CREBZF: variants seen among roughly 807,000 people sequenced by gnomAD.
CREBZF encodes HCF-binding transcription factor Zhangfei.
Under a neutral mutation model 21.1 loss-of-function variants are expected in CREBZF, and 8 were observed. The ratio of observed to expected loss-of-function variants is 0.38; its 90% confidence interval spans 0.22 to 0.68. The LOEUF (loss-of-function observed/expected upper bound fraction) is 0.68, where lower values mean the gene tolerates loss of function less well. Ranked by LOEUF, CREBZF falls within the 30% of genes least tolerant of loss-of-function variation. CREBZF has a pLI of 0.51. For synonymous variants in CREBZF, 270 were observed against 223.3 expected, an observed-to-expected ratio of 1.21 and a Z score of -1.86; for missense variants, 518 against 484.3, an observed-to-expected ratio of 1.07 and a Z score of -0.65.
At chr11:85,673,010 A>C (rs1182077585) in intron 1 of CREBZF, among the ~76,000 whole-genome samples, 1 of 152,246 alleles carries the variant, frequency 6.6e-6, no homozygotes, top group Non-Finnish European at 1.5e-5. Context: ...GAGGAAACCA[A>C]GGGTCCTTGC....
intron 1 of CREBZF, among the ~76,000 whole-genome samples, chr11:85,677,648 AT>A (rs938657190): frequency 1.3e-5 from 2 of 152,190 alleles, no homozygotes; most frequent in Non-Finnish European, 2.9e-5. Flanking sequence ...AAGGTTCAAC[AT>A]TTTTGGCAAG....
At chr11:85,665,367 T>C (rs1236783421), upstream of CREBZF, among the ~76,000 whole-genome samples, 2 of 152,142 alleles carry the variant, frequency 1.3e-5, no homozygotes, top group East Asian at 3.8e-4. Flanking sequence ...ACATAAATGC[T>C]TGTAAATTTT....
intron 1 of CREBZF, among the ~76,000 whole-genome samples, chr11:85,674,909 C>A (rs1591491251): frequency 6.6e-6 from 1 of 152,190 alleles, no homozygotes; most frequent in Admixed American, 6.5e-5. Flanking sequence ...CTTCAGAATA[C>A]CCAAACCTCA....
exon 1 of CREBZF, chr11:85,682,825 A>G (rs2082986114): frequency 2.8e-6 from 2 of 702,124 alleles, no homozygotes; most frequent in Non-Finnish European, 5.2e-6. Context: ...CGGGGCCGCA[A>G]TTTGGGATGG....
rs2082641300 is a variant in CREBZF, at chr11:85,660,443, G to A, written c.*3368C>T. ...TCTCCATTTCTGGAAAGTGAAATCA[G>A]TATAGAAGTAATTTGGGAACTTGAA... On this transcript the variant is annotated 3_prime_UTR_variant, in exon 1 of 1. Transcript: ENST00000527447. 5.5e-6 allele frequency: 2 copies of A among 365,238 alleles called. No homozygotes were observed. 22.6% of individuals were successfully genotyped at this position (365,238 alleles called of 1,614,324 possible).
chr11:85,664,114 G>C lies in CREBZF; in HGVS notation c.762C>G (p.Gly254=). 6.2e-7 allele frequency: 1 copy of C among 1,613,604 alleles called. No individual in the cohort carries two copies. Among genetic ancestry groups the C allele is most frequent in the South Asian group, 1.1e-5 (1 of 91,080 alleles). The change falls in exon 1 of 1, where the codon GGC becomes GGG. Residue 254 remains glycine (G), a synonymous_variant. Transcript: ENST00000527447. The surrounding 1 kb of genome is among the most constrained non-coding windows in gnomAD (Gnocchi z 5.5). ...CCTCCTGCAGTGCCTGTACGCGTTT[G>C]CCCAGCTCCCGATTCTCGGCCCGCA... ...QELRAENREL[G]KRVQALQEES...
At chr11:85,678,389 G>A (rs1708546181) in intron 1 of CREBZF, among the ~76,000 whole-genome samples, 1 of 152,004 alleles carries the variant, frequency 6.6e-6, no homozygotes, top group Admixed American at 6.5e-5. Context: ...CAGAAAAACT[G>A]TCAGGGGTTT....
In CREBZF at chr11:85,664,270, G is replaced by A. The variant is rs759667872; in HGVS notation, c.606C>T (p.Asn202=). 3 of 1,612,752 alleles carry A rather than the reference G, an allele frequency of 1.9e-6. No homozygotes were observed. Among genetic ancestry groups the A allele is most frequent in the Non-Finnish European group, 2.5e-6 (3 of 1,179,770 alleles). The change falls in exon 1 of 1, where the codon AAC becomes AAT. Residue 202 remains asparagine (N), a synonymous_variant. Coordinates refer to ENST00000527447, the MANE Select transcript of CREBZF (RefSeq NM_001039618.4). The surrounding 1 kb of genome is among the most constrained non-coding windows in gnomAD (Gnocchi z 5.5). Reference sequence around the variant, plus strand: ...GGGGACTCTTTGTCGCCGCCTGGTTGTTGTCGTTACCGCTGCCGCCACCGC... The same window carrying A: ...GGGGACTCTTTGTCGCCGCCTGGTTATTGTCGTTACCGCTGCCGCCACCGC... ...GGGGGGSGND[N]NQAATKSPRK...
rs1212847650 is a variant in CREBZF, at chr11:85,658,578, T to C, written c.*5233A>G. ...GTAAACTACCCTCAATCAATTTTTA[T>C]ATTTCAGTCTAGTCACTGTAGACAA... is the stretch of plus-strand genomic sequence containing the variant. On this transcript the variant is annotated 3_prime_UTR_variant, in exon 1 of 1. Transcript: ENST00000527447. Among the ~76,000 whole-genome samples the C allele has an allele frequency of 6.6e-6, 1 of 151,994 alleles. No individual in the cohort carries two copies. Among genetic ancestry groups the C allele is most frequent in the Non-Finnish European group, 1.5e-5 (1 of 67,886 alleles).
chr11:85,659,793 T>C lies in CREBZF; in HGVS notation c.*4018A>G, dbSNP rs1214318125. On this transcript the variant is annotated 3_prime_UTR_variant, in exon 1 of 1. Coordinates refer to ENST00000527447, the MANE Select transcript of CREBZF (RefSeq NM_001039618.4). ...ATGCCACAAAAAGCCACTCCCATCA[T>C]CCACAATACTAAAGTCCTTATACAA... 2 of 152,014 alleles carry C rather than the reference T, an allele frequency of 1.3e-5. No homozygotes were observed. Among genetic ancestry groups the C allele is most frequent in the African/African-American group, 2.4e-5 (1 of 41,420 alleles). The allele number at this position is 152,014 out of a possible 1,614,324, so 9.4% of individuals were successfully genotyped here.
In CREBZF at chr11:85,679,019, G is replaced by A. The variant is rs2082959510; in HGVS notation, n.147+3698C>T. Reference sequence around the variant, plus strand: ...GGAAAGGACTAAGGTAAATGTGGATGTGAGCATAATGGGATTAATCTGGCC... The same window carrying A: ...GGAAAGGACTAAGGTAAATGTGGATATGAGCATAATGGGATTAATCTGGCC... On this transcript the variant is annotated intron_variant and non_coding_transcript_variant, in intron 1 of 3. Coordinates refer to the CREBZF transcript ENST00000531515. Among the ~76,000 whole-genome samples, 6 of 152,348 alleles carry A rather than the reference G, an allele frequency of 3.9e-5. No individual in the cohort carries two copies. The South Asian group carries it at 1.2e-3, about 32-fold the overall frequency.
Position 85,664,726 on chromosome 11 carries a change from A to T in CREBZF, c.150T>A (p.Ser50=), listed in dbSNP as rs1565810456. Residue 50 remains serine (S), a synonymous_variant, in exon 1 of 1, where the codon TCT becomes TCA. Transcript: ENST00000527447. The surrounding 1 kb of genome is among the most constrained non-coding windows in gnomAD (Gnocchi z 5.5). The stretch of plus-strand genomic sequence containing the variant: ...CGCCAAACTGCTGCTTGCGGCCGGG[A>T]GATCCGGCCGCCGCCGTCTCCTCCT... ...AGEEETAAAG[S]PGRKQQFGDE... The T allele has an allele frequency of 1.2e-6, 2 of 1,600,704 alleles. No individual in the cohort carries two copies. Among genetic ancestry groups the T allele is most frequent in the Non-Finnish European group, 8.5e-7 (1 of 1,175,400 alleles).
Position 85,662,831 on chromosome 11 carries a change from C to G in CREBZF, c.*980G>C, listed in dbSNP as rs1221794045. Reference sequence around the variant, plus strand: ...ATACAACAAAAATAAAGATGTTCAACAATTTATTCAATCTCAGTGATAGGG... The same window carrying G: ...ATACAACAAAAATAAAGATGTTCAAGAATTTATTCAATCTCAGTGATAGGG... On this transcript the variant is annotated 3_prime_UTR_variant, in exon 1 of 1. Transcript: ENST00000527447. 1.2e-5 allele frequency: 2 copies of G among 164,012 alleles called. No individual in the cohort carries two copies. The highest frequency in any genetic ancestry group is 4.8e-5 in the African/African-American group (2 of 41,834). The allele number at this position is 164,012 out of a possible 1,614,324, so 10.2% of individuals were successfully genotyped here.
rs981864242 is a variant in CREBZF, at chr11:85,665,060, G to C, written c.-185C>G. Reference sequence around the variant, plus strand: ...CCCGCGCCAAGGCGCGGGGAGGGACGGGAGAACGAAGCGGTGAGGCCCTGC... The same window carrying C: ...CCCGCGCCAAGGCGCGGGGAGGGACCGGAGAACGAAGCGGTGAGGCCCTGC... On this transcript the variant is annotated 5_prime_UTR_variant, in exon 1 of 1. Coordinates refer to ENST00000527447, the MANE Select transcript of CREBZF (RefSeq NM_001039618.4). 1.1e-5 allele frequency: 5 copies of C among 442,860 alleles called. No homozygotes were observed. The highest frequency in any genetic ancestry group is 3.5e-5 in the East Asian group (1 of 28,494). 27.4% of individuals were successfully genotyped at this position (442,860 alleles called of 1,614,324 possible). A position where few individuals can be genotyped will look rare whatever the true frequency, so the allele number is the denominator to read the frequency against.
chr11:85,668,572 G>A (rs1168344211), upstream of CREBZF, among the ~76,000 whole-genome samples: 2 of 151,666 alleles, frequency 1.3e-5, no homozygotes, highest in Non-Finnish European at 2.9e-5. Context: ...TTATTATCTT[G>A]ACTGATAATA....
At position 85,664,269 on chromosome 11, in the gene CREBZF, T is replaced by C; in HGVS notation, c.607A>G (p.Asn203Asp). 1 of 1,612,670 alleles carries C rather than the reference T, an allele frequency of 6.2e-7. No homozygotes were observed. Among genetic ancestry groups the C allele is most frequent in the South Asian group, 1.1e-5 (1 of 91,078 alleles). Residue 203 changes from asparagine (N) to aspartate (D), a missense_variant, in exon 1 of 1, where the codon AAC becomes GAC. Physicochemically the swap from Asn to Asp is conservative, Grantham distance 23. Coordinates refer to ENST00000527447, the MANE Select transcript of CREBZF (RefSeq NM_001039618.4). The surrounding 1 kb of genome is among the most constrained non-coding windows in gnomAD (Gnocchi z 5.5). The stretch of plus-strand genomic sequence containing the variant: ...CGGGGACTCTTTGTCGCCGCCTGGT[T>C]GTTGTCGTTACCGCTGCCGCCACCG... ...GGGGGSGNDN[N>D]QAATKSPRKA...
chr11:85,673,647 G>A (rs1367065927), intron 1 of CREBZF, among the ~76,000 whole-genome samples: 1 of 152,152 alleles, frequency 6.6e-6, no homozygotes, highest in East Asian at 1.9e-4. Flanking sequence ...CTTAAAATAT[G>A]ACAGTAAAGT....
chr11:85,666,741 G>A (rs2082869569), upstream of CREBZF, among the ~76,000 whole-genome samples: 3 of 152,172 alleles, frequency 2.0e-5, no homozygotes, highest in African/African-American at 4.8e-5. Flanking sequence ...GTGAGTGAGT[G>A]AATAAAGTCT....
At chr11:85,679,894 G>A (rs2082965659) in intron 1 of CREBZF, among the ~76,000 whole-genome samples, 1 of 152,112 alleles carries the variant, frequency 6.6e-6, no homozygotes, top group Non-Finnish European at 1.5e-5. Context: ...TAGCTTATTG[G>A]GAAGTTAAAC....
Sources: gnomAD v4.1 joint callset for allele counts (sites outside exome capture counted in the v4.1 genomes callset) on GRCh38, gnomAD v4.1.1 for gene constraint, Gnocchi (gnomAD v3.1) non-coding constraint, MANE v1.5 for transcripts, NCBI Gene and HGNC (gene_info 2026-07-23, HGNC 2026-07-21) for gene names.